Variants in MDGA2 observed in about 807,000 individuals in gnomAD.
MDGA2 encodes the protein MAM domain containing glycosylphosphatidylinositol anchor 2, also known as MAM domain-containing glycosylphosphatidylinositol anchor protein 2.
MDGA2 carries 40 observed loss-of-function variants against 117.8 expected under a neutral mutation model. The ratio of observed to expected loss-of-function variants is 0.34; its 90% CI spans 0.26 to 0.44. The LOEUF (loss-of-function observed/expected upper bound fraction) is 0.44. Ranked by LOEUF, MDGA2 falls within the 20% of genes least tolerant of loss-of-function variation. The pLI, the probability that MDGA2 is intolerant of heterozygous loss-of-function variation, is 1.00. For synonymous variants in MDGA2, 452 were observed against 439.0 expected (o/e 1.03, Z -0.37); for missense variants, 1,123 against 1,250.6 (o/e 0.90, Z 1.54).
chr14:47,187,253 A>C (rs1019401392), intron 3 of MDGA2, among the ~76,000 whole-genome samples: 5 of 152,056 alleles, frequency 3.3e-5, no homozygotes. Context: ...TCCCAGCAAC[A>C]CTTAATATAT....
At chr14:47,278,517 T>A (rs903865325) in intron 2 of MDGA2, among the ~76,000 whole-genome samples, 1 of 151,990 alleles carries the variant, frequency 6.6e-6, no homozygotes, top group Non-Finnish European at 1.5e-5. Context: ...GCACCCGGGA[T>A]CCCCAGGCAG....
chr14:47,144,953 T>C (rs983849849), intron 3 of MDGA2, among the ~76,000 whole-genome samples: 2 of 151,768 alleles, frequency 1.3e-5, no homozygotes, highest in Admixed American at 6.6e-5. Context: ...TAGACCTCTT[T>C]GTCTTAATAT....
At chr14:47,086,321 A>T (rs1010598154) in intron 6 of MDGA2, among the ~76,000 whole-genome samples, 4 of 152,036 alleles carry the variant, frequency 2.6e-5, no homozygotes, top group Admixed American at 2.6e-4. Context: ...GAATCTAGAA[A>T]AGGAACAATT....
chr14:47,051,690 T>G (rs1889462453), intron 7 of MDGA2, among the ~76,000 whole-genome samples: 1 of 151,888 alleles, frequency 6.6e-6, no homozygotes, highest in African/African-American at 2.4e-5. Flanking sequence ...TTAAATCACT[T>G]TAATAACTGT....
At position 47,147,226 on chromosome 14, in the gene MDGA2, A is replaced by G. The variant is rs1050721591; in HGVS notation, c.596-2952T>C. On this transcript the variant is annotated intron_variant, in intron 3 of 16. Coordinates refer to ENST00000399232, the MANE Select transcript of MDGA2 (RefSeq NM_001113498.3). ...TTATACACACATATCACTTAAATCT[A>G]TTTTAATATATATTCTTTATATTAC... is the stretch of plus-strand genomic sequence containing the variant. Among the ~76,000 whole-genome samples, 15 of 150,992 alleles carry G rather than the reference A, an allele frequency of 9.9e-5. No individual in the cohort carries two copies. In the East Asian group the frequency reaches 2.1e-3, roughly 21 times the overall value.
At chr14:47,144,392 T>C (rs1432366538) in intron 3 of MDGA2, 118 bp from the exon 4 acceptor site, 8 of 633,180 alleles carry the variant, frequency 1.3e-5, no homozygotes, top group Non-Finnish European at 2.1e-5. Context: ...TACTTACCAC[T>C]AGGTACTCTT....
chr14:47,125,411 G>T (rs1338999076), intron 5 of MDGA2, among the ~76,000 whole-genome samples: 1 of 151,882 alleles, frequency 6.6e-6, no homozygotes, highest in Non-Finnish European at 1.5e-5. Flanking sequence ...GTATACCAAA[G>T]GTTTTATACT....
intron 2 of MDGA2, among the ~76,000 whole-genome samples, chr14:47,265,489 T>C (rs1432364058): frequency 6.6e-6 from 1 of 152,120 alleles, no homozygotes; most frequent in Non-Finnish European, 1.5e-5. Context: ...CTAGAGAGTT[T>C]TCATTAGTTG....
intron 8 of MDGA2, among the ~76,000 whole-genome samples, chr14:47,019,089 T>C (rs1888191436): frequency 6.6e-6 from 1 of 152,200 alleles, no homozygotes; most frequent in African/African-American, 2.4e-5. Flanking sequence ...AATGAATTAA[T>C]TGAAGTAAAT....
intron 1 of MDGA2, among the ~76,000 whole-genome samples, chr14:47,355,157 C>A (rs1203532877): frequency 6.6e-6 from 1 of 152,136 alleles, no homozygotes; most frequent in Non-Finnish European, 1.5e-5. Flanking sequence ...CGCACATCTG[C>A]TTATTTTTCT....
chr14:47,182,882 A>T (rs552972037), intron 3 of MDGA2, among the ~76,000 whole-genome samples: 1 of 152,258 alleles, frequency 6.6e-6, no homozygotes, highest in African/African-American at 2.4e-5. Context: ...TGATATTTAA[A>T]TATGGCTGGG....
At chr14:46,957,301 A>AT in intron 9 of MDGA2, 73 bp downstream of exon 9, 10 of 1,408,272 alleles carry the variant, frequency 7.1e-6, no homozygotes, top group Non-Finnish European at 9.7e-6. Context: ...TTTCATTCTT[A>AT]TATTGACATA....
At chr14:47,328,885 A>C (rs755921932) in intron 1 of MDGA2, among the ~76,000 whole-genome samples, 10 of 152,126 alleles carry the variant, frequency 6.6e-5, no homozygotes, top group Admixed American at 1.3e-4. Context: ...AAGGCACTGC[A>C]TCCCCAAATA....
chr14:47,430,801 T>C (rs1892783210), intron 1 of MDGA2, among the ~76,000 whole-genome samples: 2 of 152,138 alleles, frequency 1.3e-5, no homozygotes, highest in Non-Finnish European at 2.9e-5. Context: ...TGACCAAGTA[T>C]AAGAATTATC....
intron 7 of MDGA2, among the ~76,000 whole-genome samples, chr14:47,036,138 A>C (rs955290177): frequency 4.6e-5 from 7 of 151,460 alleles, no homozygotes; most frequent in Non-Finnish European, 1.0e-4. Flanking sequence ...AGCATGGTGG[A>C]GGGCGCCTGT....
At chr14:46,962,849 T>C (rs912424072) in intron 8 of MDGA2, among the ~76,000 whole-genome samples, 6 of 152,060 alleles carry the variant, frequency 3.9e-5, no homozygotes, top group Non-Finnish European at 8.8e-5. Flanking sequence ...TAATCACTTA[T>C]GGGGTTAGAG....
intron 8 of MDGA2, among the ~76,000 whole-genome samples, chr14:47,000,711 A>G (rs1416513406): frequency 6.6e-6 from 1 of 151,644 alleles, no homozygotes; most frequent in Non-Finnish European, 1.5e-5. Flanking sequence ...AGGTTGCAGC[A>G]GACCTGGGAA....
chr14:47,333,164 G>T (rs1006703396), intron 1 of MDGA2, among the ~76,000 whole-genome samples: 1 of 151,814 alleles, frequency 6.6e-6, no homozygotes, highest in Non-Finnish European at 1.5e-5. Flanking sequence ...AACCACTAGG[G>T]GGATTGCTAG....
chr14:46,877,389 CAACT>C (rs916270196), intron 12 of MDGA2, 96 bp downstream of exon 12: 9 of 627,532 alleles, frequency 1.4e-5, no homozygotes, highest in Middle Eastern at 4.9e-4. Context: ...TGTTTTAAAC[CAACT>C]AAGAATAGTT....
Sources: gnomAD v4.1 joint callset for allele counts (sites outside exome capture counted in the v4.1 genomes callset) on GRCh38, gnomAD v4.1.1 for gene constraint, MANE v1.5 for transcripts, NCBI Gene and HGNC (gene_info 2026-07-23, HGNC 2026-07-21) for gene names.